The following IL5RA variants were observed in gnomAD, a reference collection of about 807,000 sequenced individuals.
IL5RA encodes interleukin 5 receptor subunit alpha, also known as interleukin-5 receptor subunit alpha.
A neutral mutation model predicts 50.0 loss-of-function variants in IL5RA; 49 were observed. That is an observed-to-expected ratio of 0.98 (90% confidence interval 0.78 to 1.24). The LOEUF (loss-of-function observed/expected upper bound fraction) is 1.24. Ranked by LOEUF, IL5RA falls within the 50% of genes most tolerant of loss-of-function variation. IL5RA has a pLI of 0.00. For missense variants in IL5RA, 600 were observed against 500.4 expected (o/e 1.20, Z -1.90); for synonymous variants, 202 against 174.0 (o/e 1.16, Z -1.26).
chr3:3,102,896 T>C, intron 3 of IL5RA, 76 bp from the exon 4 acceptor site: 5 of 1,248,722 alleles, frequency 4.0e-6, no homozygotes, highest in Non-Finnish European at 5.6e-6. Flanking sequence ...TTTTCGAATA[T>C]TTATTGCCCT....
chr3:3,107,620 A>G (rs1469635868), intron 2 of IL5RA, among the ~76,000 whole-genome samples: 1 of 143,968 alleles, frequency 6.9e-6, no homozygotes, highest in Non-Finnish European at 1.6e-5. Context: ...GAATGAAGCA[A>G]CTATAGGTTG....
At position 3,076,446 on chromosome 3, in the gene IL5RA, C is replaced by T. The variant is rs911506958; in HGVS notation, c.1091+85G>A. 3 of 848,608 alleles carry T rather than the reference C, an allele frequency of 3.5e-6. No homozygotes were observed. In the East Asian group the frequency reaches 7.5e-5, roughly 21 times the overall value. The allele number at this position is 848,608 out of a possible 1,614,324, so 52.6% of individuals were successfully genotyped here. A position where few individuals can be genotyped will look rare whatever the true frequency, so the allele number is the denominator to read the frequency against. On this transcript the variant is annotated intron_variant, in intron 10 of 11. Transcript: ENST00000446632. The stretch of plus-strand genomic sequence containing the variant: ...ACAAATTTTACCTGATAATAAGAAC[C>T]CTCTGCCTACCGGATGCATGGTAAG...
chr3:3,071,715 G>A (rs895986080), intron 11 of IL5RA, among the ~76,000 whole-genome samples: 6 of 151,742 alleles, frequency 4.0e-5, no homozygotes, highest in Admixed American at 6.6e-5. Flanking sequence ...TCAGCCTCCC[G>A]AGTATCTGAG....
rs1702231865 is a variant in IL5RA at position 3,069,654 on chromosome 3, C to CTCTCTCTT, written c.*570_*571insAAGAGAGA. On this transcript the variant is annotated 3_prime_UTR_variant, in exon 12 of 12. Transcript: ENST00000446632. ...TTTCTCTCTCTCTCTCTCTCTCTCTCTCTCTCATACACACACATACACAAT... is the reference window on the plus strand; with the variant it reads ...TTTCTCTCTCTCTCTCTCTCTCTCTCTCTCTCTTTCTCTCATACACACACATACACAAT... 4 of 152,182 alleles carry CTCTCTCTT rather than the reference C, an allele frequency of 2.6e-5. No individual in the cohort carries two copies. In the South Asian group the frequency reaches 8.3e-4, roughly 32 times the overall value. 9.4% of individuals were successfully genotyped at this position (152,182 alleles called of 1,614,324 possible).
At position 3,066,744 on chromosome 3, in the gene IL5RA, C is replaced by T. The variant is rs147384161; in HGVS notation, c.*3481G>A. 4 of 152,296 alleles carry T rather than the reference C, an allele frequency of 2.6e-5. No homozygotes were observed. Among genetic ancestry groups the T allele is most frequent in the African/African-American group, 9.6e-5 (4 of 41,538 alleles). 9.4% of individuals were successfully genotyped at this position (152,296 alleles called of 1,614,324 possible). On this transcript the variant is annotated 3_prime_UTR_variant, in exon 12 of 12. Coordinates refer to ENST00000446632, the MANE Select transcript of IL5RA (RefSeq NM_175726.4). The stretch of plus-strand genomic sequence containing the variant: ...GTTCTTTGCCCACGTGGATTCTTCC[C>T]CAGCCTGCATGAATAGCTTGAGGTC...
At position 3,092,738 on chromosome 3, in the gene IL5RA, A is replaced by T. The variant is rs1288791819; in HGVS notation, c.856-376T>A. ...TACTAAATAATGTCACATGAACGCT[A>T]GATTGTCTAGTGTTGAAATGAAGCT... On this transcript the variant is annotated intron_variant, in intron 8 of 11. Coordinates refer to ENST00000446632, the MANE Select transcript of IL5RA (RefSeq NM_175726.4). The surrounding 1 kb of genome is among the most constrained non-coding windows in gnomAD (Gnocchi z 4.2). Among the ~76,000 whole-genome samples the T allele has an allele frequency of 1.3e-5, 2 of 152,142 alleles. No homozygotes were observed. The highest frequency in any genetic ancestry group is 2.9e-5 in the Non-Finnish European group (2 of 68,024).
intron 7 of IL5RA, among the ~76,000 whole-genome samples, chr3:3,097,610 T>C (rs1484603318): frequency 6.6e-6 from 1 of 152,176 alleles, no homozygotes; most frequent in African/African-American, 2.4e-5. Flanking sequence ...GGCATACTAC[T>C]GGCATCTAGT....
rs1416156257 is a variant in IL5RA, at chr3:3,092,395, C to G, written c.856-33G>C. ...GGGAAAGATAGCATTAGAAGAATCT[C>G]TAGACACCTAATTTAGTTCTGCCGA... On this transcript the variant is annotated intron_variant, in intron 8 of 11. Coordinates refer to ENST00000446632, the MANE Select transcript of IL5RA (RefSeq NM_175726.4). The surrounding 1 kb of genome is among the most constrained non-coding windows in gnomAD (Gnocchi z 4.2). 6 of 1,601,850 alleles carry G rather than the reference C, an allele frequency of 3.7e-6. No homozygotes were observed. The highest frequency in any genetic ancestry group is 1.1e-5 in the South Asian group (1 of 90,680).
At chr3:3,087,323 C>A (rs867263944) in intron 9 of IL5RA, among the ~76,000 whole-genome samples, 5 of 152,178 alleles carry the variant, frequency 3.3e-5, no homozygotes, top group African/African-American at 1.2e-4. Flanking sequence ...CACTTGCTAA[C>A]TATACCCCCT....
intron 11 of IL5RA, among the ~76,000 whole-genome samples, 158 bp from the exon 12 acceptor site, chr3:3,070,469 C>A (rs1413136308): frequency 1.3e-5 from 2 of 151,828 alleles, no homozygotes. Flanking sequence ...AAGAAAATAC[C>A]TAGCCATACA....
Position 3,070,070 on chromosome 3 carries a change from A to T in IL5RA, c.*155T>A. The stretch of plus-strand genomic sequence containing the variant: ...TGGATGAAGCATCCATACTTTTAAG[A>T]GATACAAGACTGGTGTGTCTGGGTG... On this transcript the variant is annotated 3_prime_UTR_variant, in exon 12 of 12. Coordinates refer to ENST00000446632, the MANE Select transcript of IL5RA (RefSeq NM_175726.4). The T allele has an allele frequency of 1.7e-6, 1 of 599,670 alleles. No homozygotes were observed. Among genetic ancestry groups the T allele is most frequent in the Non-Finnish European group, 3.0e-6 (1 of 331,728 alleles). 37.1% of individuals were successfully genotyped at this position (599,670 alleles called of 1,614,324 possible). A position where few individuals can be genotyped will look rare whatever the true frequency, so the allele number is the denominator to read the frequency against.
At chr3:3,085,035 C>T (rs1353535628) in intron 9 of IL5RA, among the ~76,000 whole-genome samples, 1 of 152,196 alleles carries the variant, frequency 6.6e-6, no homozygotes, top group African/African-American at 2.4e-5. Context: ...CTGAAAGGTC[C>T]CTGTTAGGCC....
chr3:3,091,842 G>A (rs1225574781), intron 9 of IL5RA: 1 of 283,590 alleles, frequency 3.5e-6, no homozygotes, highest in Non-Finnish European at 5.5e-6. Flanking sequence ...CTATAGTTTT[G>A]TAAGATGTTA....
chr3:3,099,326 C>T (rs534930391), intron 5 of IL5RA, among the ~76,000 whole-genome samples: 91 of 152,154 alleles, frequency 6.0e-4, no homozygotes, highest in Middle Eastern at 3.4e-3. Context: ...GGTGAAACCT[C>T]GTCTTTGCAA....
chr3:3,088,681 C>G (rs1574990099), intron 9 of IL5RA, among the ~76,000 whole-genome samples: 1 of 152,180 alleles, frequency 6.6e-6, no homozygotes, highest in African/African-American at 2.4e-5. Context: ...GAAAGCATAA[C>G]TAACTTCTTA....
chr3:3,102,779 C>T lies in IL5RA; in HGVS notation c.124G>A (p.Gly42Ser), dbSNP rs773895948. Residue 42 changes from glycine to serine, a missense_variant, in exon 4 of 12, where the codon GGT becomes AGT. By Grantham distance (56) the Gly-to-Ser change is moderately conservative. Transcript: ENST00000446632. ...CATTGTAAAAGAACTTGAGCCAAAC[C>T]AGTAACTTTAATGGTGAAATTGACA... ...PPVNFTIKVT[G>S]LAQVLLQWKP... The T allele has an allele frequency of 2.5e-6, 4 of 1,611,792 alleles. No homozygotes were observed. Among genetic ancestry groups the T allele is most frequent in the African/African-American group, 1.3e-5 (1 of 74,908 alleles).
rs1172687551 is a variant in IL5RA at position 3,105,099 on chromosome 3, G to A, written c.-3-112C>T. On this transcript the variant is annotated intron_variant, in intron 2 of 11. Transcript: ENST00000446632. ...GTTTGGCCATTTAACAGACATTTAT[G>A]GCATATTTGTTATGCGCAAAAAGTA... 7 of 667,870 alleles carry A rather than the reference G, an allele frequency of 1.0e-5. No homozygotes were observed. In the African/African-American group the frequency reaches 1.1e-4, roughly 10 times the overall value. 41.4% of individuals were successfully genotyped at this position (667,870 alleles called of 1,614,324 possible). A position where few individuals can be genotyped will look rare whatever the true frequency, so the allele number is the denominator to read the frequency against.
At chr3:3,076,203 C>T (rs1252804172) in intron 10 of IL5RA, among the ~76,000 whole-genome samples, 1 of 152,118 alleles carries the variant, frequency 6.6e-6, no homozygotes, top group Non-Finnish European at 1.5e-5. Flanking sequence ...CCCTAGACAG[C>T]CAAGGACCGA....
chr3:3,086,708 GT>G (rs962156804), intron 9 of IL5RA, among the ~76,000 whole-genome samples: 4 of 152,086 alleles, frequency 2.6e-5, no homozygotes, highest in Admixed American at 2.6e-4. Flanking sequence ...GCCTCATTTA[GT>G]TTTTTGAGAA....
Sources: gnomAD v4.1 joint callset for allele counts (sites outside exome capture counted in the v4.1 genomes callset) on GRCh38, gnomAD v4.1.1 for gene constraint, Gnocchi (gnomAD v3.1) non-coding constraint, MANE v1.5 for transcripts, NCBI Gene and HGNC (gene_info 2026-07-23, HGNC 2026-07-21) for gene names.